TYW1: variants seen among roughly 807,000 people sequenced by gnomAD.
TYW1 encodes the protein S-adenosyl-L-methionine-dependent tRNA 4-demethylwyosine synthase TYW1.
Under a neutral mutation model 96.2 loss-of-function variants are expected in TYW1, and 46 were observed. The observed-to-expected ratio is 0.48, with a 90% CI of 0.38 to 0.61. TYW1 has a LOEUF of 0.61. Ranked by LOEUF, TYW1 falls within the 20% of genes least tolerant of loss-of-function variation. The probability of loss-of-function intolerance (pLI) is 0.00; values close to 1 mark genes in which losing one functional copy is unlikely to be tolerated. For synonymous variants in TYW1, 274 were observed against 323.0 expected, an observed-to-expected ratio of 0.85 and a Z score of 1.63; for missense variants, 684 against 909.6, an observed-to-expected ratio of 0.75 and a Z score of 3.19.
At chr7:67,166,467 C>G (rs1031768493) in intron 13 of TYW1, among the ~76,000 whole-genome samples, 4 of 151,076 alleles carry the variant, frequency 2.6e-5, no homozygotes, top group African/African-American at 9.7e-5. Flanking sequence ...ACAAAATGAA[C>G]ACAGCCAGCA....
At chr7:67,036,683 T>C (rs1158838413) in intron 7 of TYW1, among the ~76,000 whole-genome samples, 1 of 152,214 alleles carries the variant, frequency 6.6e-6, no homozygotes, top group Admixed American at 6.5e-5. Context: ...TGCTTGTGGG[T>C]GCCAGCCAGG....
intron 15 of TYW1, among the ~76,000 whole-genome samples, chr7:67,214,606 C>T (rs1450046625): frequency 1.3e-5 from 2 of 152,162 alleles, no homozygotes; most frequent in African/African-American, 2.4e-5. Flanking sequence ...TCTAGCTTCT[C>T]ACCATTAAGT....
intron 6 of TYW1, among the ~76,000 whole-genome samples, chr7:67,021,447 G>A (rs1001881996): frequency 6.6e-6 from 1 of 152,394 alleles, no homozygotes; most frequent in East Asian, 1.9e-4. Context: ...TTCCAACAGC[G>A]TTCCCACATG....
chr7:67,068,051 C>T (rs185447654), intron 10 of TYW1, among the ~76,000 whole-genome samples: 2,591 of 142,044 alleles, frequency 0.018, 71 homozygotes, highest in African/African-American at 0.063. Flanking sequence ...GATGGAGTTT[C>T]GCTCTTGTTG....
At chr7:67,224,856 A>AT (rs150144384) in intron 15 of TYW1, among the ~76,000 whole-genome samples, 5,208 of 152,172 alleles carry the variant, frequency 0.034, 295 homozygotes, top group East Asian at 0.18. Flanking sequence ...CATAGATACT[A>AT]TTTTTTCTCA....
At chr7:67,054,888 A>G (rs1004184919) in intron 8 of TYW1, among the ~76,000 whole-genome samples, 1 of 152,186 alleles carries the variant, frequency 6.6e-6, no homozygotes, top group African/African-American at 2.4e-5. Flanking sequence ...TTCATGTCCT[A>G]TGTAGCTCAA....
intron 10 of TYW1, among the ~76,000 whole-genome samples, chr7:67,077,754 C>T (rs1217114159): frequency 6.6e-6 from 1 of 152,056 alleles, no homozygotes; most frequent in Non-Finnish European, 1.5e-5. Context: ...TGATATCATC[C>T]TATTTATTTG....
At chr7:67,176,571 T>G (rs1349906693) in intron 13 of TYW1, among the ~76,000 whole-genome samples, 2 of 152,166 alleles carry the variant, frequency 1.3e-5, no homozygotes, top group Non-Finnish European at 2.9e-5. Context: ...TAAGTTAAAA[T>G]ACATTAAAAA....
rs757051657 is a variant in TYW1, at chr7:67,009,578, A to G, written c.274-5A>G. On this transcript the variant is annotated splice_polypyrimidine_tract_variant and splice_region_variant and intron_variant, in intron 3 of 15. Coordinates refer to ENST00000359626, the MANE Select transcript of TYW1 (RefSeq NM_018264.4). ...TTTATTTGATGTTTTTTTTGGTCCT[A>G]TTAGGGATTCGCAACAGTTCTTGCT... The G allele has an allele frequency of 1.3e-5, 21 of 1,609,924 alleles. No homozygotes were observed. The highest frequency in any genetic ancestry group is 1.4e-5 in the Non-Finnish European group (16 of 1,179,066).
intron 12 of TYW1, among the ~76,000 whole-genome samples, chr7:67,112,301 A>G (rs994799461): frequency 1.3e-5 from 2 of 152,068 alleles, no homozygotes; most frequent in African/African-American, 2.4e-5. Flanking sequence ...GTTCTACAAT[A>G]AAGTATGCTT....
intron 3 of TYW1, among the ~76,000 whole-genome samples, chr7:66,999,965 T>C (rs1360868957): frequency 1.3e-5 from 2 of 152,094 alleles, no homozygotes; most frequent in African/African-American, 4.8e-5. Flanking sequence ...AGACAGGGTC[T>C]CTCTCTGTTG....
rs569809750 is a variant in TYW1 at position 67,108,728 on chromosome 7, C to T, written c.1563-8755C>T. Among the ~76,000 whole-genome samples the T allele has an allele frequency of 3.3e-5, 5 of 152,174 alleles. No individual in the cohort carries two copies. In the South Asian group the frequency reaches 1.0e-3, roughly 32 times the overall value. ...AAGTGCTGGGATTACAGACATGAGC[C>T]ACCGTGTCTGGTCTGAATACAGGTT... On this transcript the variant is annotated intron_variant, in intron 12 of 15. Transcript: ENST00000359626.
At chr7:67,216,392 T>A (rs1208290535) in intron 15 of TYW1, among the ~76,000 whole-genome samples, 1 of 136,114 alleles carries the variant, frequency 7.3e-6, no homozygotes, top group Middle Eastern at 3.8e-3. Flanking sequence ...ATCCTATCAT[T>A]GTCACTATTG....
At chr7:67,066,800 A>T (rs1364607525) in intron 9 of TYW1, among the ~76,000 whole-genome samples, 1 of 152,154 alleles carries the variant, frequency 6.6e-6, no homozygotes, top group Non-Finnish European at 1.5e-5. Flanking sequence ...GTGAGCTATG[A>T]TTGTACCACT....
chr7:67,163,875 G>T (rs1180482208), intron 13 of TYW1, among the ~76,000 whole-genome samples: 2 of 152,066 alleles, frequency 1.3e-5, no homozygotes, highest in Middle Eastern at 3.4e-3. Context: ...CACCATGTTG[G>T]CCAGGCTGGT....
At chr7:67,061,461 A>G (rs1795693117) in intron 9 of TYW1, among the ~76,000 whole-genome samples, 1 of 152,186 alleles carries the variant, frequency 6.6e-6, no homozygotes, top group Admixed American at 6.6e-5. Context: ...GGAATCTCAG[A>G]TTTAAAAACC....
chr7:67,189,011 A>G (rs532754268), intron 14 of TYW1, among the ~76,000 whole-genome samples: 127 of 152,344 alleles, frequency 8.3e-4, no homozygotes, highest in African/African-American at 3.0e-3. Flanking sequence ...AGTGTGAGGA[A>G]GGTTTCTAAC....
chr7:67,210,951 C>G (rs1362257880), intron 15 of TYW1, among the ~76,000 whole-genome samples: 1 of 150,742 alleles, frequency 6.6e-6, no homozygotes, highest in Admixed American at 6.6e-5. Flanking sequence ...CATCATCTGT[C>G]TGTCTGTCTT....
At chr7:67,043,359 C>CTTTT (rs35321806) in intron 7 of TYW1, among the ~76,000 whole-genome samples, 2 of 143,018 alleles carry the variant, frequency 1.4e-5, no homozygotes, top group Non-Finnish European at 1.5e-5. Flanking sequence ...CCCATTGCTA[C>CTTTT]TTTTTTTTTT....
Sources: gnomAD v4.1 joint callset for allele counts (sites outside exome capture counted in the v4.1 genomes callset) on GRCh38, gnomAD v4.1.1 for gene constraint, MANE v1.5 for transcripts, NCBI Gene and HGNC (gene_info 2026-07-23, HGNC 2026-07-21) for gene names.